The following ERICH6B variants were observed in gnomAD, a reference collection of about 807,000 sequenced individuals.
The protein encoded by ERICH6B is glutamate rich 6B.
ERICH6B carries 69 observed loss-of-function variants against 80.0 expected under a neutral mutation model. The observed-to-expected ratio is 0.86, with a 90% CI of 0.71 to 1.05. The LOEUF is 1.05. ERICH6B is among the 50% of genes least tolerant of loss of function. ERICH6B has a pLI of 0.00. For missense variants in ERICH6B, 754 were observed against 796.1 expected (o/e 0.95, Z 0.64); for synonymous variants, 283 against 291.9 (o/e 0.97, Z 0.31).
chr13:45,551,157 G>A (rs930400820), intron 11 of ERICH6B, among the ~76,000 whole-genome samples: 6 of 151,982 alleles, frequency 3.9e-5, no homozygotes, highest in Non-Finnish European at 7.4e-5. Context: ...TAGTTACATC[G>A]CTGTTTTCAT....
rs192815431 is a variant in ERICH6B, at chr13:45,613,396, G to A, written c.-111+2289C>T. ...GTTCAGAAAATTAGGCCTGGGTGAGGAATATTGACAGTGTTTATTTTGTTG... is the reference window on the plus strand; with the variant it reads ...GTTCAGAAAATTAGGCCTGGGTGAGAAATATTGACAGTGTTTATTTTGTTG... On this transcript the variant is annotated intron_variant, in intron 1 of 14. Transcript: ENST00000298738. Among the ~76,000 whole-genome samples, 7 of 152,132 alleles carry A rather than the reference G, an allele frequency of 4.6e-5. No individual in the cohort carries two copies. The East Asian group carries it at 1.4e-3, about 29-fold the overall frequency.
chr13:45,564,652 A>C (rs913149951), intron 9 of ERICH6B, among the ~76,000 whole-genome samples: 5 of 152,236 alleles, frequency 3.3e-5, no homozygotes, highest in African/African-American at 1.2e-4. Flanking sequence ...GAAATTTGAG[A>C]ATGAGTCCAT....
intron 8 of ERICH6B, among the ~76,000 whole-genome samples, chr13:45,571,279 C>T (rs1025915864): frequency 5.3e-5 from 8 of 152,080 alleles, no homozygotes; most frequent in African/African-American, 9.7e-5. Flanking sequence ...GACTAGTTTT[C>T]GTAAGTGACT....
chr13:45,582,383 AGCATCTAACAACAAACAG>A (rs1875712030), intron 5 of ERICH6B, among the ~76,000 whole-genome samples: 1 of 152,222 alleles, frequency 6.6e-6, no homozygotes, highest in Non-Finnish European at 1.5e-5. Flanking sequence ...GGTTGAAGAA[AGCATCTAACAACAAACAG>A]GGCTTCCTTA....
At position 45,550,329 on chromosome 13, in the gene ERICH6B, G is replaced by T. The variant is rs759310733; in HGVS notation, c.1408-13C>A. 1.3e-6 allele frequency: 2 copies of T among 1,548,260 alleles called. No homozygotes were observed. The highest frequency in any genetic ancestry group is 1.2e-5 in the South Asian group (1 of 83,922). ...CACCTTGATGCACCTGGGAAGAAAAGACAAGCCTATGAAAAGTGTGAAAAG... is the reference window on the plus strand; with the variant it reads ...CACCTTGATGCACCTGGGAAGAAAATACAAGCCTATGAAAAGTGTGAAAAG... On this transcript the variant is annotated splice_polypyrimidine_tract_variant and intron_variant, in intron 11 of 14. Transcript: ENST00000298738.
chr13:45,566,530 A>G (rs3014919), intron 9 of ERICH6B, among the ~76,000 whole-genome samples: 85,019 of 152,128 alleles, frequency 0.56, 25,845 homozygotes, highest in African/African-American at 0.8. Context: ...CTCCAGCCAT[A>G]GCTGAAAGGG....
At chr13:45,594,126 T>A (rs2138018946) in intron 3 of ERICH6B, among the ~76,000 whole-genome samples, 1 of 152,360 alleles carries the variant, frequency 6.6e-6, no homozygotes. Context: ...CTATTCTACA[T>A]AAAAACATTG....
chr13:45,615,285 T>C (rs1949921600), intron 1 of ERICH6B, among the ~76,000 whole-genome samples: 1 of 152,162 alleles, frequency 6.6e-6, no homozygotes, highest in Non-Finnish European at 1.5e-5. Context: ...ATCTGGGGAA[T>C]TTGTTCCTGG....
chr13:45,592,525 G>T (rs564335286), intron 3 of ERICH6B, among the ~76,000 whole-genome samples: 1 of 152,192 alleles, frequency 6.6e-6, no homozygotes, highest in Admixed American at 6.5e-5. Context: ...TAGGCCAGAC[G>T]GCATTTGGAG....
chr13:45,564,941 C>A (rs369159924), intron 9 of ERICH6B, among the ~76,000 whole-genome samples: 1 of 152,158 alleles, frequency 6.6e-6, no homozygotes, highest in Admixed American at 6.5e-5. Flanking sequence ...CCCCATCAGG[C>A]GGCTCTTCAA....
At chr13:45,572,041 A>T (rs537679175) in intron 8 of ERICH6B, among the ~76,000 whole-genome samples, 1 of 152,246 alleles carries the variant, frequency 6.6e-6, no homozygotes, top group Non-Finnish European at 1.5e-5. Context: ...ACTAATACAG[A>T]TTCCAAATAA....
chr13:45,579,179 G>A (rs1428590040), intron 7 of ERICH6B, among the ~76,000 whole-genome samples: 1 of 152,208 alleles, frequency 6.6e-6, no homozygotes, highest in African/African-American at 2.4e-5. Context: ...GAATAAGATG[G>A]AGAAAACTGT....
At chr13:45,576,554 A>G (rs1400799036) in intron 7 of ERICH6B, among the ~76,000 whole-genome samples, 1 of 152,182 alleles carries the variant, frequency 6.6e-6, no homozygotes, top group Non-Finnish European at 1.5e-5. Flanking sequence ...GGAGAAATGA[A>G]TGAACTGGTA....
intron 13 of ERICH6B, among the ~76,000 whole-genome samples, chr13:45,548,155 C>CACCTG (rs1262597900): frequency 1.3e-5 from 2 of 152,208 alleles, no homozygotes; most frequent in African/African-American, 4.8e-5. Flanking sequence ...AGTTTCCACA[C>CACCTG]ACCTGGCAAA....
intron 11 of ERICH6B, among the ~76,000 whole-genome samples, chr13:45,554,082 C>A (rs185414643): frequency 6.6e-6 from 1 of 152,302 alleles, no homozygotes; most frequent in Non-Finnish European, 1.5e-5. Context: ...ACCTCTTAAA[C>A]TTATTCCTCC....
At chr13:45,594,228 C>G (rs1356080754) in intron 3 of ERICH6B, among the ~76,000 whole-genome samples, 1 of 152,182 alleles carries the variant, frequency 6.6e-6, no homozygotes, top group Non-Finnish European at 1.5e-5. Context: ...ATTTCATAGA[C>G]CAAGACATTC....
At chr13:45,554,885 A>G (rs1874372440) in intron 11 of ERICH6B, among the ~76,000 whole-genome samples, 1 of 152,206 alleles carries the variant, frequency 6.6e-6, no homozygotes, top group Non-Finnish European at 1.5e-5. Flanking sequence ...GAAGGTGTGC[A>G]CTCAGCAAAC....
chr13:45,567,681 T>A lies in ERICH6B; in HGVS notation c.1187+634A>T, dbSNP rs531354361. On this transcript the variant is annotated intron_variant, in intron 9 of 14. Coordinates refer to ENST00000298738, the MANE Select transcript of ERICH6B (RefSeq NM_182542.3). ...TTTTGTAAATTGCCCAGTCTTGGGT[T>A]TTTATCAGCAGCATGAAAATGAACT... 2.0e-5 allele frequency among the ~76,000 whole-genome samples: 3 copies of A among 152,316 alleles called. No individual in the cohort carries two copies. In the South Asian group the frequency reaches 6.2e-4, roughly 32 times the overall value.
At chr13:45,546,850 G>A (rs1281328519) in intron 13 of ERICH6B, among the ~76,000 whole-genome samples, 1 of 152,190 alleles carries the variant, frequency 6.6e-6, no homozygotes, top group Non-Finnish European at 1.5e-5. Flanking sequence ...CACCTCCAGT[G>A]GGGAGGACTT....
Sources: gnomAD v4.1 joint callset for allele counts (sites outside exome capture counted in the v4.1 genomes callset) on GRCh38, gnomAD v4.1.1 for gene constraint, MANE v1.5 for transcripts, NCBI Gene and HGNC (gene_info 2026-07-23, HGNC 2026-07-21) for gene names.